Variants in ANKRD30B observed in about 807,000 individuals in gnomAD.
The protein encoded by ANKRD30B is ankyrin repeat domain 30B, also known as ankyrin repeat domain-containing protein 30B.
Under a neutral mutation model 202.2 loss-of-function variants are expected in ANKRD30B, and 144 were observed. The observed-to-expected ratio is 0.71, with a 90% CI of 0.62 to 0.82. The LOEUF (loss-of-function observed/expected upper bound fraction) is 0.82. ANKRD30B is among the 40% of genes least tolerant of loss of function. The pLI is 0.00. For synonymous variants in ANKRD30B, 508 were observed against 561.3 expected, an observed-to-expected ratio of 0.91 and a Z score of 1.34; for missense variants, 1,487 against 1,669.1, an observed-to-expected ratio of 0.89 and a Z score of 1.90.
intron 32 of ANKRD30B, among the ~76,000 whole-genome samples, chr18:14,827,014 T>C (rs1458299574): frequency 6.6e-6 from 1 of 152,126 alleles, no homozygotes; most frequent in East Asian, 1.9e-4. Context: ...GACTGTGAGA[T>C]GATATAATGC....
At chr18:14,935,090 A>G in the ANKRD30B span, among the ~76,000 whole-genome samples, 3 of 152,216 alleles carry the variant, frequency 2.0e-5, no homozygotes, top group Admixed American at 6.5e-5. Flanking sequence ...ACATATTGTT[A>G]GCATGGTTTC....
intron 15 of ANKRD30B, among the ~76,000 whole-genome samples, chr18:14,790,920 A>G (rs1262430601): frequency 6.6e-6 from 1 of 152,042 alleles, no homozygotes; most frequent in African/African-American, 2.4e-5. Flanking sequence ...TGAGTTAGGG[A>G]GGATTCCCTC....
At chr18:14,797,923 T>C (rs1474035581) in intron 20 of ANKRD30B, 69 bp downstream of exon 20, 13 of 1,277,578 alleles carry the variant, frequency 1.0e-5, no homozygotes, top group Non-Finnish European at 1.4e-5. Flanking sequence ...CCAAGAGCCT[T>C]TTATTCCCAA....
intron 34 of ANKRD30B, among the ~76,000 whole-genome samples, chr18:14,831,975 G>T (rs71364899): frequency 1.3e-5 from 2 of 151,982 alleles, no homozygotes; most frequent in African/African-American, 2.4e-5. Context: ...TTTTTTTGGC[G>T]CATATTATTT....
At chr18:14,853,254 C>A in intron 42 of ANKRD30B, among the ~76,000 whole-genome samples, 1 of 151,826 alleles carries the variant, frequency 6.6e-6, no homozygotes, top group East Asian at 1.9e-4. Flanking sequence ...GCATTGGATC[C>A]CCATTTTTCA....
the ANKRD30B span, among the ~76,000 whole-genome samples, chr18:14,901,547 A>G: frequency 7.8e-6 from 1 of 128,172 alleles, no homozygotes; most frequent in Non-Finnish European, 1.7e-5. Context: ...TTTCAGAGTC[A>G]AGACAAAGTT....
In ANKRD30B at chr18:14,809,652, G is replaced by A. The variant is rs369531953; in HGVS notation, c.2387-334G>A. The stretch of plus-strand genomic sequence containing the variant: ...TGATGCAAAACCTCCCTGACTGCAC[G>A]TCCATTCACAGGCTCTCTGCAGGGG... On this transcript the variant is annotated intron_variant, in intron 26 of 43. Transcript: ENST00000690538. Among the ~76,000 whole-genome samples the A allele has an allele frequency of 5.3e-5, 8 of 150,968 alleles. 1 individual carries two copies. Among genetic ancestry groups the A allele is most frequent in the Middle Eastern group, 3.4e-3 (1 of 292 alleles).
chr18:14,881,017 C>T, the ANKRD30B span, among the ~76,000 whole-genome samples: 7 of 152,102 alleles, frequency 4.6e-5, no homozygotes, highest in Non-Finnish European at 1.0e-4. Context: ...GGAGAAAGGT[C>T]ATATCGTCAG....
chr18:14,880,952 C>A, the ANKRD30B span, among the ~76,000 whole-genome samples: 1 of 152,170 alleles, frequency 6.6e-6, no homozygotes, highest in Non-Finnish European at 1.5e-5. Context: ...GGAAACTTTG[C>A]TGAATTCTTT....
chr18:14,781,621 C>T (rs1179340042), intron 11 of ANKRD30B, among the ~76,000 whole-genome samples: 7 of 23,776 alleles, frequency 2.9e-4, no homozygotes, highest in Admixed American at 2.8e-3. Context: ...CGGCAGCACT[C>T]CTCTCCAGGA....
chr18:14,790,804 G>A (rs1968442576), intron 15 of ANKRD30B, among the ~76,000 whole-genome samples: 2 of 151,948 alleles, frequency 1.3e-5, no homozygotes, highest in Non-Finnish European at 2.9e-5. Context: ...GTATTTTATT[G>A]AGGATTTTTG....
the ANKRD30B span, among the ~76,000 whole-genome samples, chr18:14,864,745 G>A: frequency 1.3e-5 from 2 of 151,212 alleles, no homozygotes; most frequent in South Asian, 2.1e-4. Context: ...CCTGCTGCTC[G>A]CCACCCTCTC....
At chr18:14,931,092 C>T in the ANKRD30B span, among the ~76,000 whole-genome samples, 1 of 152,234 alleles carries the variant, frequency 6.6e-6, no homozygotes, top group Non-Finnish European at 1.5e-5. Context: ...TTTGGCAGCC[C>T]TGCACCCAGA....
At chr18:14,937,232 A>C in the ANKRD30B span, among the ~76,000 whole-genome samples, 4 of 152,230 alleles carry the variant, frequency 2.6e-5, no homozygotes, top group African/African-American at 9.6e-5. Context: ...GAAATCTCAG[A>C]ACCCCTAACT....
intron 16 of ANKRD30B, among the ~76,000 whole-genome samples, chr18:14,794,942 T>C (rs1157026098): frequency 6.6e-6 from 1 of 152,200 alleles, no homozygotes; most frequent in Non-Finnish European, 1.5e-5. Flanking sequence ...AGGAGATATA[T>C]TTCTATTTCA....
rs188359570 is a variant in ANKRD30B at position 14,788,895 on chromosome 18, T to A, written c.1734+1795T>A. Among the ~76,000 whole-genome samples the A allele has an allele frequency of 4.5e-3, 687 of 152,348 alleles. 3 individuals are homozygous for A. The highest frequency in any genetic ancestry group is 6.8e-3 in the Middle Eastern group (2 of 294). ...TTTATAGCAGCATGATTTATAGTCC[T>A]TTGGGTATACACCCAGTAATGGGAT... On this transcript the variant is annotated intron_variant, in intron 15 of 43. Coordinates refer to ENST00000690538, the MANE Select transcript of ANKRD30B (RefSeq NM_001367607.2).
intron 4 of ANKRD30B, among the ~76,000 whole-genome samples, chr18:14,756,395 G>A (rs1406476199): frequency 6.6e-6 from 1 of 152,062 alleles, no homozygotes; most frequent in Non-Finnish European, 1.5e-5. Context: ...CTGTGCAGAA[G>A]CTCTTTAGTT....
rs958204300 is a variant in ANKRD30B at position 14,760,570 on chromosome 18, T to C, written c.772T>C (p.Leu258=). The C allele has an allele frequency of 1.3e-6, 2 of 1,522,206 alleles. No homozygotes were observed. The highest frequency in any genetic ancestry group is 2.8e-5 in the African/African-American group (2 of 71,900). The allele number at this position is 1,522,206 out of a possible 1,614,324, so 94.3% of individuals were successfully genotyped here. Residue 258 remains leucine, a synonymous_variant, in exon 6 of 44, where the codon TTG becomes CTG. Coordinates refer to ENST00000690538, the MANE Select transcript of ANKRD30B (RefSeq NM_001367607.2). The part of the protein sequence containing the change: ...CGVNYIHQQL[L]EHIRKLPKNP... ...TATACATAGCATTCATCAACAACTT[T>C]TGGAACATATACGAAAATTACCTAA...
At chr18:14,928,275 G>A in the ANKRD30B span, among the ~76,000 whole-genome samples, 2 of 152,152 alleles carry the variant, frequency 1.3e-5, no homozygotes, top group African/African-American at 2.4e-5. Flanking sequence ...GCCATGTGAT[G>A]TTAATTTTAT....
Sources: allele counts gnomAD v4.1 joint callset (sites outside exome capture counted in the v4.1 genomes callset), GRCh38; gene constraint gnomAD v4.1.1; transcripts MANE v1.5; gene names NCBI Gene and HGNC (gene_info 2026-07-23, HGNC 2026-07-21).